Variants in SZT2 observed in about 807,000 individuals in gnomAD.
SZT2 encodes the protein KICSTOR complex protein SZT2.
SZT2 carries 216 observed loss-of-function variants against 404.2 expected under a neutral mutation model. That is an observed-to-expected ratio of 0.53 (90% CI 0.48 to 0.60). SZT2 has a LOEUF of 0.60. Ranked by LOEUF, SZT2 falls within the 20% of genes least tolerant of loss-of-function variation. The probability of loss-of-function intolerance (pLI) is 0.00; values close to 1 mark genes in which losing one functional copy is unlikely to be tolerated. For synonymous variants in SZT2, 1,693 were observed against 1,749.9 expected, an observed-to-expected ratio of 0.97 and a Z score of 0.81; for missense variants, 3,857 against 4,459.2, an observed-to-expected ratio of 0.86 and a Z score of 3.85.
At chr1:43,446,072 C>A in intron 63 of SZT2, 88 bp downstream of exon 63, 1 of 1,582,850 alleles carries the variant, frequency 6.3e-7, no homozygotes, top group South Asian at 1.1e-5. Flanking sequence ...GTACCGAGGT[C>A]ACTGATCCCA....
rs992440353 is a variant in SZT2, at chr1:43,452,918, A to T, written c.*2438A>T. ...GGCTACATACATGTCCAGCCTCAGG[A>T]ACGCTGCCAAATACACCAGGCCTCC... On this transcript the variant is annotated 3_prime_UTR_variant, in exon 72 of 72. Coordinates refer to ENST00000634258, the MANE Select transcript of SZT2 (RefSeq NM_001365999.1). The T allele has an allele frequency of 1.2e-6, 2 of 1,605,690 alleles. No homozygotes were observed. The highest frequency in any genetic ancestry group is 1.1e-5 in the South Asian group (1 of 88,966).
At position 43,454,069 on chromosome 1, in the gene SZT2, TCCAGGGCC is replaced by T; in HGVS notation, c.*3590_*3597del. 1 of 1,123,042 alleles carries T rather than the reference TCCAGGGCC, an allele frequency of 8.9e-7. No individual in the cohort carries two copies. The highest frequency in any genetic ancestry group is 1.1e-6 in the Non-Finnish European group (1 of 919,306). The allele number at this position is 1,123,042 out of a possible 1,614,324, so 69.6% of individuals were successfully genotyped here. On this transcript the variant is annotated 3_prime_UTR_variant, in exon 72 of 72. Coordinates refer to ENST00000634258, the MANE Select transcript of SZT2 (RefSeq NM_001365999.1). ...CCTGGAGAAGGTAGGGAGGCCGAGC[TCCAGGGCC>T]TGAGAGCCGGACGCGAAGCAAGAGA...
In SZT2 at chr1:43,433,134, C is replaced by A; in HGVS notation, c.5748C>A (p.Asp1916Glu). Residue 1916 changes from aspartate (D) to glutamate (E), a missense_variant, in exon 40 of 72, where the codon GAC (aspartate) becomes GAA (glutamate). By Grantham distance (45) the Asp-to-Glu change is conservative. Around this residue, in one of 7 missense-constraint regions of SZT2, gnomAD observed 1,725 missense variants for 1,881.0 expected, o/e 0.92. Transcript: ENST00000634258. ...GCCTCCCTGGGCCCTGCCTGCCTGA[C>A]TTCTGGCTCATTGTCCGGGTCCTGC... is the stretch of plus-strand genomic sequence containing the variant. ...LSGLPGPCLP[D>E]FWLIVRVLQD... 6.2e-7 allele frequency: 1 copy of A among 1,614,186 alleles called. No homozygotes were observed.
Position 43,426,282 on chromosome 1 carries a change from G to T in SZT2, c.3044-86G>T, listed in dbSNP as rs776595975. ...GGGGGCAGGAGGAGCCCATGAGGCT[G>T]AAGGAGGGGCCAGCTGGTCAGGGCT... On this transcript the variant is annotated intron_variant, in intron 21 of 71. Coordinates refer to ENST00000634258, the MANE Select transcript of SZT2 (RefSeq NM_001365999.1). This position sits in a 1 kb window ranked among gnomAD's most constrained non-coding sequence, Gnocchi z 4.9. 8 of 1,499,422 alleles carry T rather than the reference G, an allele frequency of 5.3e-6. No individual in the cohort carries two copies. Among genetic ancestry groups the T allele is most frequent in the Non-Finnish European group, 7.1e-6 (8 of 1,120,950 alleles). 92.9% of individuals were successfully genotyped at this position (1,499,422 alleles called of 1,614,324 possible).
Position 43,425,310 on chromosome 1 carries a change from A to C in SZT2, c.2645+103A>C. The C allele has an allele frequency of 1.3e-6, 2 of 1,528,514 alleles. No individual in the cohort carries two copies. Among genetic ancestry groups the C allele is most frequent in the Non-Finnish European group, 1.8e-6 (2 of 1,116,358 alleles). 94.7% of individuals were successfully genotyped at this position (1,528,514 alleles called of 1,614,324 possible). ...TATCCTGAGATGATCTTGATCCCAAAGTCAGGGAGGGGGTGCGGTGTTTAG... is the reference window on the plus strand; with the variant it reads ...TATCCTGAGATGATCTTGATCCCAACGTCAGGGAGGGGGTGCGGTGTTTAG... On this transcript the variant is annotated intron_variant, in intron 18 of 71. Coordinates refer to ENST00000634258, the MANE Select transcript of SZT2 (RefSeq NM_001365999.1). The surrounding 1 kb of genome is among the most constrained non-coding windows in gnomAD (Gnocchi z 4.3).
rs145757366 is a variant in SZT2, at chr1:43,398,962, C to T, written c.28-4215C>T. ...AGGCATGGTGGCATGCCCCTGTAGT[C>T]CCAGCTACTCAGGAGGCTGAGGTGG... On this transcript the variant is annotated intron_variant, in intron 1 of 71. Transcript: ENST00000634258. Among the ~76,000 whole-genome samples the T allele has an allele frequency of 5.5e-3, 837 of 152,154 alleles. 4 individuals are homozygous for T. Among genetic ancestry groups the T allele is most frequent in the Non-Finnish European group, 9.3e-3 (630 of 67,996 alleles).
chr1:43,404,756 C>T (rs1376452739), intron 4 of SZT2: 5 of 493,812 alleles, frequency 1.0e-5, no homozygotes, highest in East Asian at 3.5e-5. Context: ...CTATAGACTT[C>T]GGGTCAGTTG....
chr1:43,453,342 AGG>A lies in SZT2; in HGVS notation c.*2864_*2865del, dbSNP rs1656646061. On this transcript the variant is annotated 3_prime_UTR_variant, in exon 72 of 72. Transcript: ENST00000634258. ...GTCCTCGACTCCCTGAACCTGCATC[AGG>A]GTCATGGGTCACAGGGGTGGGGGTG... The A allele has an allele frequency of 1.3e-5, 14 of 1,047,374 alleles. No individual in the cohort carries two copies. In the African/African-American group the frequency reaches 2.8e-4, roughly 21 times the overall value. The allele number at this position is 1,047,374 out of a possible 1,614,324, so 64.9% of individuals were successfully genotyped here. A position where few individuals can be genotyped will look rare whatever the true frequency, so the allele number is the denominator to read the frequency against.
At chr1:43,393,120 A>G (rs1570528328) in intron 1 of SZT2, among the ~76,000 whole-genome samples, 1 of 152,360 alleles carries the variant, frequency 6.6e-6, no homozygotes, top group East Asian at 1.9e-4. Context: ...ACTCAGAAGA[A>G]TGACATTTAA....
At chr1:43,403,115 C>G (rs1385404770) in intron 1 of SZT2, 62 bp from the exon 2 acceptor site, 2 of 1,571,206 alleles carry the variant, frequency 1.3e-6, no homozygotes, top group Non-Finnish European at 1.7e-6. Context: ...GGACAGTGAT[C>G]TGTGTGTTCC....
intron 36 of SZT2, 104 bp downstream of exon 36, chr1:43,432,005 T>A: frequency 1.4e-6 from 2 of 1,381,238 alleles, no homozygotes; most frequent in Non-Finnish European, 2.0e-6. Flanking sequence ...CTCATAGAGT[T>A]ATCCCTCCTG....
chr1:43,449,993 G>A (rs1393094547), intron 70 of SZT2, 110 bp from the exon 71 acceptor site: 12 of 1,287,864 alleles, frequency 9.3e-6, no homozygotes, highest in South Asian at 2.4e-5. Context: ...GGGTGCAGGC[G>A]GGGTGAGGTG....
chr1:43,442,750 A>C lies in SZT2; in HGVS notation c.8152-69A>C, dbSNP rs1655205711. The C allele has an allele frequency of 1.3e-6, 2 of 1,536,806 alleles. No individual in the cohort carries two copies. Reference sequence around the variant, plus strand: ...GTGGGGAGGGAGAGTCTGAGAGAGGAAGCCCTGGGATGAGAGAGAGGGTCC... The same window carrying C: ...GTGGGGAGGGAGAGTCTGAGAGAGGCAGCCCTGGGATGAGAGAGAGGGTCC... On this transcript the variant is annotated intron_variant, in intron 58 of 71. Transcript: ENST00000634258. The surrounding 1 kb of genome is among the most constrained non-coding windows in gnomAD (Gnocchi z 4.5).
Position 43,435,251 on chromosome 1 carries a change from G to T in SZT2, c.5956G>T (p.Val1986Leu). ...CAGCCACGTGTGTAACTCTCTTCTG[G>T]TGGCCGAGAGTGAAGAAGATCTGTG... ...HDSHVCNSLL[V>L]AESEEDLWRS... The change falls in exon 42 of 72, where the codon GTG (valine) becomes TTG (leucine). Residue 1986 changes from valine to leucine, a missense_variant. By Grantham distance (32) the Val-to-Leu change is conservative. This residue lies in a region of SZT2 where 1,725 missense variants were observed against 1,881.0 expected (regional missense o/e 0.92). Coordinates refer to ENST00000634258, the MANE Select transcript of SZT2 (RefSeq NM_001365999.1). The T allele has an allele frequency of 6.2e-7, 1 of 1,614,182 alleles. No homozygotes were observed.
intron 1 of SZT2, among the ~76,000 whole-genome samples, chr1:43,395,873 A>G (rs1278068989): frequency 3.9e-5 from 6 of 152,206 alleles, no homozygotes; most frequent in African/African-American, 1.2e-4. Flanking sequence ...TGAGGACATG[A>G]TGGCACCCTG....
chr1:43,432,234 G>T, intron 36 of SZT2, 38 bp from the exon 37 acceptor site: 2 of 1,521,592 alleles, frequency 1.3e-6, no homozygotes, highest in South Asian at 2.7e-5. Flanking sequence ...AGGGAGGACT[G>T]CCCTGCCTAA....
rs761527914 is a variant in SZT2, at chr1:43,452,989, C to T, written c.*2509C>T. 1.3e-6 allele frequency: 2 copies of T among 1,579,876 alleles called. No individual in the cohort carries two copies. Among genetic ancestry groups the T allele is most frequent in the Admixed American group, 3.4e-5 (2 of 59,372 alleles). ...AAGGAACACTCAACTTCCTGCCCAT[C>T]AAGCAATGCCCACTCCTTGAAGACA... On this transcript the variant is annotated 3_prime_UTR_variant, in exon 72 of 72. Coordinates refer to ENST00000634258, the MANE Select transcript of SZT2 (RefSeq NM_001365999.1).
Position 43,432,423 on chromosome 1 carries a change from A to T in SZT2, c.5426A>T (p.Glu1809Val), listed in dbSNP as rs368450227. The part of the protein sequence containing the change: ...WAWHSHEDRA[E>V]GIEGETLTAS... The stretch of plus-strand genomic sequence containing the variant: ...TGGCACAGTCATGAGGACAGGGCTG[A>T]AGGCATCGAAGGGGAGGTGAGTCTC... Residue 1809 changes from glutamate (E) to valine (V), a missense_variant, in exon 37 of 72, where the codon GAA becomes GTA. By Grantham distance (121) the Glu-to-Val change is moderately radical. This residue lies in a region of SZT2 where 1,725 missense variants were observed against 1,881.0 expected (regional missense o/e 0.92). Coordinates refer to ENST00000634258, the MANE Select transcript of SZT2 (RefSeq NM_001365999.1). 1.8e-4 allele frequency: 283 copies of T among 1,569,420 alleles called. 1 individual carries two copies. Among genetic ancestry groups the T allele is most frequent in the Non-Finnish European group, 2.4e-4 (275 of 1,159,568 alleles).
chr1:43,421,122 A>G, intron 10 of SZT2, 52 bp from the exon 11 acceptor site: 1 of 1,597,278 alleles, frequency 6.3e-7, no homozygotes, highest in Non-Finnish European at 8.5e-7. Context: ...GGCTCCCCTC[A>G]TCTGCACCCA....
Sources: allele counts gnomAD v4.1 joint callset (sites outside exome capture counted in the v4.1 genomes callset), GRCh38; gene constraint gnomAD v4.1.1; regional missense constraint gnomAD v4.1.1; non-coding constraint Gnocchi (gnomAD v3.1); transcripts MANE v1.5; gene names NCBI Gene and HGNC (gene_info 2026-07-23, HGNC 2026-07-21).